The following RBPMS variants were observed in gnomAD, a reference collection of about 807,000 sequenced individuals.
RBPMS encodes RNA-binding protein with multiple splicing.
Under a neutral mutation model 26.8 loss-of-function variants are expected in RBPMS, and 7 were observed. The observed-to-expected ratio is 0.26, with a 90% CI of 0.15 to 0.49. RBPMS has a LOEUF of 0.49. Ranked by LOEUF, RBPMS falls within the 20% of genes least tolerant of loss-of-function variation. The probability of loss-of-function intolerance (pLI) is 0.98; values close to 1 mark genes in which losing one functional copy is unlikely to be tolerated. For synonymous variants in RBPMS, 96 were observed against 93.3 expected, an observed-to-expected ratio of 1.03 and a Z score of -0.17; for missense variants, 186 against 250.0, an observed-to-expected ratio of 0.74 and a Z score of 1.73.
chr8:30,549,152 CAG>C (rs1321789344), intron 6 of RBPMS, among the ~76,000 whole-genome samples: 1 of 152,216 alleles, frequency 6.6e-6, no homozygotes, highest in Non-Finnish European at 1.5e-5. Flanking sequence ...AACCTGTGAA[CAG>C]AGTCATGTCT....
chr8:30,521,399 A>G (rs1199706939), intron 5 of RBPMS, among the ~76,000 whole-genome samples: 2 of 152,200 alleles, frequency 1.3e-5, no homozygotes, highest in African/African-American at 4.8e-5. Flanking sequence ...GTTTTCCCCA[A>G]AAGGACGGGA....
rs149664220 is a variant in RBPMS at position 30,567,247 on chromosome 8, G to A, written c.*111+887G>A. ...GCCAAGGAGGTGGGGTCGCATTTGA[G>A]GGGCTTAAGTCACTTCATACTCCGA... On this transcript the variant is annotated intron_variant, in intron 8 of 8. Coordinates refer to ENST00000397323, the MANE Select transcript of RBPMS (RefSeq NM_001008710.3). Among the ~76,000 whole-genome samples, 436 of 152,340 alleles carry A rather than the reference G, an allele frequency of 2.9e-3. 4 individuals are homozygous for A. Among genetic ancestry groups the A allele is most frequent in the African/African-American group, 9.8e-3 (409 of 41,582 alleles).
chr8:30,550,097 G>A (rs549204507), intron 6 of RBPMS, among the ~76,000 whole-genome samples: 4 of 152,154 alleles, frequency 2.6e-5, no homozygotes, highest in South Asian at 2.1e-4. Flanking sequence ...TGATCTGCCC[G>A]CCTTGGCCTC....
Position 30,470,930 on chromosome 8 carries a change from A to G in RBPMS, c.67-3849A>G, listed in dbSNP as rs538922114. Reference sequence around the variant, plus strand: ...TCGCTTTCCATTATGGAATATTTACATAAGAAAGAATTTCCTCCATAAACT... The same window carrying G: ...TCGCTTTCCATTATGGAATATTTACGTAAGAAAGAATTTCCTCCATAAACT... On this transcript the variant is annotated intron_variant, in intron 1 of 8. Transcript: ENST00000397323. 9.2e-5 allele frequency among the ~76,000 whole-genome samples: 14 copies of G among 152,326 alleles called. No individual in the cohort carries two copies. The East Asian group carries it at 9.6e-4, about 10-fold the overall frequency.
intron 6 of RBPMS, among the ~76,000 whole-genome samples, chr8:30,549,997 C>T (rs1452729733): frequency 6.6e-6 from 1 of 151,862 alleles, no homozygotes; most frequent in Non-Finnish European, 1.5e-5. Flanking sequence ...ACTACAGGCG[C>T]CTGTCACCAC....
chr8:30,385,146 T>C lies in RBPMS; in HGVS notation c.54T>C (p.Leu18=). Residue 18 remains leucine, a synonymous_variant, in exon 1 of 9, where the codon CTT becomes CTC. Transcript: ENST00000397323. The part of the protein sequence containing the change: ...EKENTPSEAN[L]QEEEVRTLFV... ...AGAACACCCCGAGCGAGGCCAACCT[T>C]CAGGAGGAGGAGGTACTGGGCGGCT... 3 of 1,520,894 alleles carry C rather than the reference T, an allele frequency of 2.0e-6. No individual in the cohort carries two copies. The highest frequency in any genetic ancestry group is 2.1e-5 in the Admixed American group (1 of 47,706). The allele number at this position is 1,520,894 out of a possible 1,614,324, so 94.2% of individuals were successfully genotyped here. A position where few individuals can be genotyped will look rare whatever the true frequency, so the allele number is the denominator to read the frequency against.
At chr8:30,515,066 G>T (rs1822163739) in intron 5 of RBPMS, among the ~76,000 whole-genome samples, 1 of 151,878 alleles carries the variant, frequency 6.6e-6, no homozygotes, top group Non-Finnish European at 1.5e-5. Context: ...ACTCCTCCCA[G>T]GGTCAAACGA....
intron 1 of RBPMS, among the ~76,000 whole-genome samples, chr8:30,418,305 C>T (rs914173456): frequency 2.2e-4 from 34 of 152,288 alleles, no homozygotes; most frequent in East Asian, 7.7e-4. Context: ...TAGCTTCAAA[C>T]TCCTGGGCTC....
intron 1 of RBPMS, among the ~76,000 whole-genome samples, chr8:30,443,257 C>T (rs2150715310): frequency 6.6e-6 from 1 of 152,242 alleles, no homozygotes; most frequent in South Asian, 2.1e-4. Context: ...TCTCTGAAGA[C>T]TATTTTAAAT....
At chr8:30,411,628 G>A (rs1204042164) in intron 1 of RBPMS, among the ~76,000 whole-genome samples, 1 of 136,698 alleles carries the variant, frequency 7.3e-6, no homozygotes, top group Non-Finnish European at 1.5e-5. Flanking sequence ...TTGCACCACT[G>A]CACTCCAGCC....
rs1005061616 is a variant in RBPMS at position 30,454,916 on chromosome 8, C to T, written c.67-19863C>T. On this transcript the variant is annotated intron_variant, in intron 1 of 8. Transcript: ENST00000397323. ...TTGTCTCACTGCAACCTCTGCCTCC[C>T]GATTCACGCAATTCTCCTGCCTCAG... is the stretch of plus-strand genomic sequence containing the variant. 2.6e-5 allele frequency among the ~76,000 whole-genome samples: 4 copies of T among 152,108 alleles called. No individual in the cohort carries two copies. In the South Asian group the frequency reaches 6.2e-4, roughly 24 times the overall value.
intron 1 of RBPMS, among the ~76,000 whole-genome samples, chr8:30,423,931 G>A (rs545535154): frequency 8.5e-4 from 129 of 151,894 alleles, no homozygotes; most frequent in South Asian, 3.3e-3. Context: ...TCTGCCTCCC[G>A]GGTTCAAGCC....
In RBPMS at chr8:30,385,099, A is replaced by G; in HGVS notation, c.7A>G (p.Asn3Asp). The G allele has an allele frequency of 6.6e-7, 1 of 1,523,354 alleles. No homozygotes were observed. The highest frequency in any genetic ancestry group is 8.8e-7 in the Non-Finnish European group (1 of 1,136,736). The allele number at this position is 1,523,354 out of a possible 1,614,324, so 94.4% of individuals were successfully genotyped here. A position where few individuals can be genotyped will look rare whatever the true frequency, so the allele number is the denominator to read the frequency against. MN[N>D]GGKAEKENTP... ...GCGAGGAAGGACCGGGAAGATGAAC[A>G]ACGGCGGCAAAGCCGAGAAGGAGAA... is the stretch of plus-strand genomic sequence containing the variant. The change falls in exon 1 of 9, where the codon AAC becomes GAC. Residue 3 changes from asparagine (N) to aspartate (D), a missense_variant. This residue lies in a region of RBPMS where 38 missense variants were observed against 27.8 expected (regional missense o/e 1.37). Coordinates refer to ENST00000397323, the MANE Select transcript of RBPMS (RefSeq NM_001008710.3).
chr8:30,472,812 A>G (rs1817277681), intron 1 of RBPMS, among the ~76,000 whole-genome samples: 1 of 152,222 alleles, frequency 6.6e-6, no homozygotes, highest in African/African-American at 2.4e-5. Context: ...GAGGTGGCTC[A>G]TGCCTGTAAT....
chr8:30,386,280 A>G (rs1563273865), intron 1 of RBPMS, among the ~76,000 whole-genome samples: 1 of 152,242 alleles, frequency 6.6e-6, no homozygotes, highest in Non-Finnish European at 1.5e-5. Context: ...AGTGAAACCA[A>G]AATTGCAGAG....
rs1207292860 is a variant in RBPMS, at chr8:30,556,795, G to A, written c.529-2092G>A. ...AGATGCACCAGGCCATGAGCCGTGG[G>A]TAGGTATGAGTTCTTTCTTCTCCCC... On this transcript the variant is annotated intron_variant, in intron 6 of 8. Transcript: ENST00000397323. The A allele has an allele frequency of 6.1e-6, 6 of 985,688 alleles. No individual in the cohort carries two copies. The South Asian group carries it at 2.3e-4, about 39-fold the overall frequency. 61.1% of individuals were successfully genotyped at this position (985,688 alleles called of 1,614,324 possible).
At chr8:30,466,868 T>TA (rs1816562874) in intron 1 of RBPMS, among the ~76,000 whole-genome samples, 1 of 152,178 alleles carries the variant, frequency 6.6e-6, no homozygotes, top group African/African-American at 2.4e-5. Flanking sequence ...GTGCTGGGAT[T>TA]ACAGGCGTGA....
intron 7 of RBPMS, among the ~76,000 whole-genome samples, chr8:30,561,460 G>T (rs1029375139): frequency 1.3e-5 from 2 of 152,156 alleles, no homozygotes; most frequent in Non-Finnish European, 2.9e-5. Flanking sequence ...GGCTGGTAGG[G>T]TGTTCAGCTA....
At chr8:30,556,594 C>T in intron 6 of RBPMS, 1 of 986,516 alleles carries the variant, frequency 1.0e-6, no homozygotes, top group South Asian at 4.7e-5. Context: ...CCGCACCAGT[C>T]ACACCACTGC....
Sources: gnomAD v4.1 joint callset for allele counts (sites outside exome capture counted in the v4.1 genomes callset) on GRCh38, gnomAD v4.1.1 for gene constraint, gnomAD v4.1.1 regional missense constraint, MANE v1.5 for transcripts, NCBI Gene and HGNC (gene_info 2026-07-23, HGNC 2026-07-21) for gene names.